TULP2: variants seen among roughly 807,000 people sequenced by gnomAD.
The protein encoded by TULP2 is TUB like protein 2.
Under a neutral mutation model 60.3 loss-of-function variants are expected in TULP2, and 64 were observed. The ratio of observed to expected loss-of-function variants is 1.06; its 90% CI spans 0.87 to 1.31. TULP2 has a LOEUF of 1.31. TULP2 is among the 50% of genes most tolerant of loss of function. The pLI is 0.00. For synonymous variants in TULP2, 267 were observed against 265.4 expected, an observed-to-expected ratio of 1.01 and a Z score of -0.06; for missense variants, 652 against 667.0, an observed-to-expected ratio of 0.98 and a Z score of 0.25.
chr19:48,883,826 C>G lies in TULP2; in HGVS notation c.1203G>C (p.Gly401=), dbSNP rs139049164. ...GGAGAATCACAGTCATTTTCCGAGGCCCCAGGTATCCTAAGACGTTGGGCT... is the reference window on the plus strand; with the variant it reads ...GGAGAATCACAGTCATTTTCCGAGGGCCCAGGTATCCTAAGACGTTGGGCT... ...CYEPNVLGYL[G]PRKMTVILPG... is the part of the protein sequence containing the mutation. Residue 401 remains glycine (G), a synonymous_variant, in exon 11 of 13, where the codon GGG becomes GGC. Coordinates refer to ENST00000221399, the MANE Select transcript of TULP2 (RefSeq NM_003323.3). The G allele has an allele frequency of 2.7e-5, 44 of 1,614,080 alleles. No homozygotes were observed. The African/African-American group carries it at 5.7e-4, about 21-fold the overall frequency.
intron 6 of TULP2, 124 bp downstream of exon 6, chr19:48,894,874 C>G (rs367573407): frequency 1.5e-6 from 2 of 1,309,946 alleles, no homozygotes; most frequent in South Asian, 3.1e-5. Flanking sequence ...GAATTGTGAA[C>G]TTTAAATGGG....
chr19:48,896,241 GGGGCCCCCACAAGCCTCTCCCCT>G (rs1444564511), intron 4 of TULP2, among the ~76,000 whole-genome samples, 166 bp downstream of exon 4: 1 of 152,198 alleles, frequency 6.6e-6, no homozygotes, highest in Non-Finnish European at 1.5e-5. Flanking sequence ...CCTGCCGCGG[GGGGCCCCCACAAGCCTCTCCCCT>G]GGGCGCCCAC....
rs1042864850 is a variant in TULP2 at position 48,897,940 on chromosome 19, T to C, written c.-1-71A>G. 2 of 1,130,004 alleles carry C rather than the reference T, an allele frequency of 1.8e-6. No individual in the cohort carries two copies. The highest frequency in any genetic ancestry group is 2.6e-5 in the Admixed American group (1 of 38,122). The allele number at this position is 1,130,004 out of a possible 1,614,324, so 70.0% of individuals were successfully genotyped here. On this transcript the variant is annotated intron_variant, in intron 1 of 12. Transcript: ENST00000221399. The surrounding 1 kb of genome is among the most constrained non-coding windows in gnomAD (Gnocchi z 4.0). ...ATGGATCCTGCCCACCAGCACCTAATCTTTAGCCTTATTTATTTATTTATT... is the reference window on the plus strand; with the variant it reads ...ATGGATCCTGCCCACCAGCACCTAACCTTTAGCCTTATTTATTTATTTATT...
At chr19:48,896,602 G>A (rs565249941) in intron 3 of TULP2, 46 bp from the exon 4 acceptor site, 1 of 1,539,294 alleles carries the variant, frequency 6.5e-7, no homozygotes, top group South Asian at 1.2e-5. Flanking sequence ...AACCAGATGG[G>A]AAGACAGAAG....
At chr19:48,887,338 T>TTTTTTTTTTTTTTTTTTTTTTTTA (rs1285265988) in intron 8 of TULP2, among the ~76,000 whole-genome samples, 1 of 95,254 alleles carries the variant, frequency 1.0e-5, no homozygotes, top group Non-Finnish European at 2.1e-5. Flanking sequence ...TTTTTTTTTT[T>TTTTTTTTTTTTTTTTTTTTTTTTA]TTTTTATGCA....
At chr19:48,887,343 T>TTTTTTTTTTTTTTTTTTTTTTTTTG in intron 8 of TULP2, among the ~76,000 whole-genome samples, 1 of 88,782 alleles carries the variant, frequency 1.1e-5, no homozygotes, top group Non-Finnish European at 2.0e-5. Context: ...TTTTTTTTTT[T>TTTTTTTTTTTTTTTTTTTTTTTTTG]ATGCAGAGTC....
chr19:48,888,951 G>A lies in TULP2; in HGVS notation c.636+559C>T, dbSNP rs1364705267. The stretch of plus-strand genomic sequence containing the variant: ...ACTGGCCCTTTTCGATCAGTGTTCT[G>A]CCCTTTCTGAAGCTCGCTGTCTTTC... On this transcript the variant is annotated intron_variant, in intron 7 of 12. Transcript: ENST00000221399. Among the ~76,000 whole-genome samples, 5 of 150,050 alleles carry A rather than the reference G, an allele frequency of 3.3e-5. No homozygotes were observed. In the East Asian group the frequency reaches 9.9e-4, roughly 30 times the overall value.
chr19:48,896,565 A>T lies in TULP2; in HGVS notation c.85-9T>A, dbSNP rs561042043. 6.3e-7 allele frequency: 1 copy of T among 1,587,610 alleles called. No homozygotes were observed. Among genetic ancestry groups the T allele is most frequent in the South Asian group, 1.1e-5 (1 of 87,936 alleles). On this transcript the variant is annotated splice_polypyrimidine_tract_variant and intron_variant, in intron 3 of 12. Coordinates refer to ENST00000221399, the MANE Select transcript of TULP2 (RefSeq NM_003323.3). ...TTTTCAAACAGCCGCCGCTGGGGAG[A>T]TGGGAGAGGTGGGTGTCCGGGACAG...
intron 6 of TULP2, among the ~76,000 whole-genome samples, chr19:48,889,967 A>G (rs2037217538): frequency 6.6e-6 from 1 of 152,228 alleles, no homozygotes; most frequent in Admixed American, 6.5e-5. Flanking sequence ...AAAGCCAGGT[A>G]TTGTCCAAGA....
At chr19:48,889,828 C>T (rs1017354162) in intron 6 of TULP2, among the ~76,000 whole-genome samples, 197 bp from the exon 7 acceptor site, 5 of 152,172 alleles carry the variant, frequency 3.3e-5, no homozygotes, top group African/African-American at 1.2e-4. Context: ...GGATTAAGGG[C>T]GGTGCAAGAT....
At chr19:48,896,290 G>A in intron 4 of TULP2, 140 bp downstream of exon 4, 3 of 1,260,508 alleles carry the variant, frequency 2.4e-6, no homozygotes, top group Non-Finnish European at 3.2e-6. Context: ...CTGTTCTAAA[G>A]CTCTCCTGGG....
intron 11 of TULP2, among the ~76,000 whole-genome samples, chr19:48,882,601 G>A (rs990599047): frequency 3.3e-5 from 5 of 152,142 alleles, no homozygotes; most frequent in South Asian, 4.1e-4. Context: ...TGCCGTGTAG[G>A]GTTTCCATTG....
chr19:48,886,162 C>T (rs543066345), intron 8 of TULP2, among the ~76,000 whole-genome samples: 1 of 152,206 alleles, frequency 6.6e-6, no homozygotes, highest in African/African-American at 2.4e-5. Flanking sequence ...AAAAATTAGC[C>T]AGGCGTGGTG....
chr19:48,884,230 G>C (rs955842922), intron 9 of TULP2, among the ~76,000 whole-genome samples, 184 bp from the exon 10 acceptor site: 3 of 151,130 alleles, frequency 2.0e-5, no homozygotes, highest in African/African-American at 7.3e-5. Flanking sequence ...TCAGGAGGCA[G>C]AGGCAGGAGG....
intron 3 of TULP2, among the ~76,000 whole-genome samples, chr19:48,896,908 G>C (rs1329673891): frequency 7.3e-6 from 1 of 136,306 alleles, no homozygotes; most frequent in Non-Finnish European, 1.6e-5. Context: ...TTTTCTTTTT[G>C]AGACAGAGTC....
intron 4 of TULP2, among the ~76,000 whole-genome samples, chr19:48,895,733 G>T (rs1047521997): frequency 5.9e-5 from 9 of 152,088 alleles, no homozygotes; most frequent in African/African-American, 1.9e-4. Flanking sequence ...CACAAAATTA[G>T]CCGGGCTTGG....
chr19:48,886,570 G>A (rs1364240189), intron 8 of TULP2, among the ~76,000 whole-genome samples: 1 of 152,028 alleles, frequency 6.6e-6, no homozygotes, highest in East Asian at 1.9e-4. Flanking sequence ...TTTCTAGGGG[G>A]AGAGAGGATA....
intron 3 of TULP2, chr19:48,896,832 G>C: frequency 2.6e-6 from 1 of 380,028 alleles, no homozygotes; most frequent in Non-Finnish European, 4.7e-6. Flanking sequence ...TCATCACAAG[G>C]GTTTGTTTGC....
intron 9 of TULP2, among the ~76,000 whole-genome samples, chr19:48,884,666 A>C (rs2037163570): frequency 6.6e-6 from 1 of 151,620 alleles, no homozygotes. Context: ...GCTACTCAGG[A>C]GGCTGAGGCA....
Sources: allele counts gnomAD v4.1 joint callset (sites outside exome capture counted in the v4.1 genomes callset), GRCh38; gene constraint gnomAD v4.1.1; non-coding constraint Gnocchi (gnomAD v3.1); transcripts MANE v1.5; gene names NCBI Gene and HGNC (gene_info 2026-07-23, HGNC 2026-07-21).